The following ANO10 variants were observed in gnomAD, a reference collection of about 807,000 sequenced individuals.
The protein encoded by ANO10 is anoctamin 10, also known as anoctamin-10.
ANO10 carries 77 observed loss-of-function variants against 74.7 expected under a neutral mutation model. The observed-to-expected ratio is 1.03, with a 90% CI of 0.86 to 1.25. ANO10 has a LOEUF of 1.25. ANO10 is among the 50% of genes most tolerant of loss of function. ANO10 has a pLI of 0.00. For synonymous variants in ANO10, 279 were observed against 284.9 expected, an observed-to-expected ratio of 0.98 and a Z score of 0.21; for missense variants, 721 against 778.1, an observed-to-expected ratio of 0.93 and a Z score of 0.87.
chr3:43,579,843 G>A (rs539071506), intron 5 of ANO10, among the ~76,000 whole-genome samples: 6 of 152,242 alleles, frequency 3.9e-5, no homozygotes, highest in African/African-American at 1.4e-4. Flanking sequence ...TGATTCCACT[G>A]ATCTATGGTA....
intron 1 of ANO10, among the ~76,000 whole-genome samples, chr3:43,635,417 T>C (rs2083595716): frequency 6.6e-6 from 1 of 152,190 alleles, no homozygotes; most frequent in African/African-American, 2.4e-5. Context: ...CCATATAACC[T>C]ATAGATGTTA....
intron 12 of ANO10, among the ~76,000 whole-genome samples, chr3:43,404,612 T>C (rs560467276): frequency 6.6e-6 from 1 of 152,282 alleles, no homozygotes; most frequent in South Asian, 2.1e-4. Flanking sequence ...CCAAGTATGA[T>C]GGCTCATCCC....
At chr3:43,604,435 A>C (rs2082469743) in intron 2 of ANO10, among the ~76,000 whole-genome samples, 2 of 151,722 alleles carry the variant, frequency 1.3e-5, no homozygotes, top group Non-Finnish European at 2.9e-5. Context: ...GGCTTTCTCA[A>C]ATCTGACAAG....
chr3:43,462,298 T>C (rs771369960), intron 11 of ANO10, among the ~76,000 whole-genome samples: 2 of 152,152 alleles, frequency 1.3e-5, no homozygotes, highest in Non-Finnish European at 2.9e-5. Flanking sequence ...GGTACGATCT[T>C]GGCTCACTGC....
At chr3:43,407,875 G>A (rs1457243319) in intron 12 of ANO10, among the ~76,000 whole-genome samples, 2 of 152,184 alleles carry the variant, frequency 1.3e-5, no homozygotes, top group African/African-American at 4.8e-5. Context: ...CCCACGTGGG[G>A]CTTTGCAGGG....
At chr3:43,613,423 C>G (rs892233032) in intron 1 of ANO10, among the ~76,000 whole-genome samples, 1 of 152,124 alleles carries the variant, frequency 6.6e-6, no homozygotes, top group Admixed American at 6.5e-5. Context: ...ATAAAGACAG[C>G]ATGGGAAAAG....
chr3:43,494,443 A>G (rs1434920423), intron 11 of ANO10, among the ~76,000 whole-genome samples: 2 of 152,198 alleles, frequency 1.3e-5, no homozygotes, highest in African/African-American at 4.8e-5. Context: ...ACAAGAGCGA[A>G]ACTCCATCTC....
At chr3:43,456,756 A>G (rs2372433) in intron 11 of ANO10, among the ~76,000 whole-genome samples, 33,838 of 152,246 alleles carry the variant, frequency 0.22, 4,300 homozygotes, top group Middle Eastern at 0.36. Context: ...AGGAATTAAT[A>G]CAATTACAAA....
At chr3:43,570,320 T>C (rs1295681793) in intron 7 of ANO10, among the ~76,000 whole-genome samples, 2 of 149,972 alleles carry the variant, frequency 1.3e-5, no homozygotes, top group Non-Finnish European at 3.0e-5. Flanking sequence ...CTTCACAGAA[T>C]TGGAAAAAAC....
At chr3:43,479,092 C>G (rs1277594347) in intron 11 of ANO10, among the ~76,000 whole-genome samples, 1 of 151,242 alleles carries the variant, frequency 6.6e-6, no homozygotes. Context: ...CCTTTTCACT[C>G]GTGCATAGAT....
At position 43,516,198 on chromosome 3, in the gene ANO10, A is replaced by G. The variant is rs138211520; in HGVS notation, c.1797+33522T>C. ...TGAATACACAGTAAAGGAATGGATG[A>G]AACTTCAACATGTTATGGGAGCATA... On this transcript the variant is annotated intron_variant, in intron 11 of 12. Transcript: ENST00000292246. Among the ~76,000 whole-genome samples, 6 of 152,306 alleles carry G rather than the reference A, an allele frequency of 3.9e-5. No homozygotes were observed. In the East Asian group the frequency reaches 1.2e-3, roughly 29 times the overall value.
At chr3:43,629,050 T>G (rs1013281654) in intron 1 of ANO10, among the ~76,000 whole-genome samples, 1 of 152,194 alleles carries the variant, frequency 6.6e-6, no homozygotes, top group African/African-American at 2.4e-5. Context: ...AAGTCCCTAA[T>G]AAAAACTTGC....
intron 12 of ANO10, among the ~76,000 whole-genome samples, chr3:43,408,272 A>T (rs891287594): frequency 6.6e-6 from 1 of 152,220 alleles, no homozygotes; most frequent in African/African-American, 2.4e-5. Context: ...AGAGTTCTCA[A>T]ATGATGTAAA....
chr3:43,578,749 CAAAAAAA>C (rs56186109), intron 5 of ANO10, among the ~76,000 whole-genome samples: 5 of 64,446 alleles, frequency 7.8e-5, no homozygotes, highest in African/African-American at 9.7e-5. Flanking sequence ...GACTCCATCT[CAAAAAAA>C]AAAAAAAAAA....
chr3:43,573,268 G>A (rs1179821571), intron 7 of ANO10, among the ~76,000 whole-genome samples: 2 of 152,112 alleles, frequency 1.3e-5, no homozygotes, highest in Admixed American at 6.5e-5. Flanking sequence ...GGAGGCCTTC[G>A]AAGCCTTTTG....
chr3:43,596,821 C>G (rs1334343885), intron 4 of ANO10, among the ~76,000 whole-genome samples: 1 of 152,168 alleles, frequency 6.6e-6, no homozygotes, highest in African/African-American at 2.4e-5. Flanking sequence ...TCAGAGTGAA[C>G]AGGCAACCCA....
At chr3:43,382,411 C>T (rs545615445) in intron 12 of ANO10, among the ~76,000 whole-genome samples, 354 of 151,024 alleles carry the variant, frequency 2.3e-3, no homozygotes, top group Non-Finnish European at 3.8e-3. Flanking sequence ...CCCAGCTACT[C>T]GGGAGGCTGA....
intron 1 of ANO10, chr3:43,691,163 C>A: frequency 1.0e-6 from 1 of 973,478 alleles, no homozygotes; most frequent in Non-Finnish European, 1.4e-6. Context: ...GCGGCTTCCT[C>A]GACCCTCCCC....
At chr3:43,508,444 G>T (rs1038918231) in intron 11 of ANO10, among the ~76,000 whole-genome samples, 2 of 152,140 alleles carry the variant, frequency 1.3e-5, no homozygotes, top group Non-Finnish European at 2.9e-5. Context: ...CCATTACTGG[G>T]CATATACCCA....
Sources: allele counts gnomAD v4.1 joint callset (sites outside exome capture counted in the v4.1 genomes callset), GRCh38; gene constraint gnomAD v4.1.1; transcripts MANE v1.5; gene names NCBI Gene and HGNC (gene_info 2026-07-23, HGNC 2026-07-21).